The following WDR48 variants were observed in gnomAD, a reference collection of about 807,000 sequenced individuals.
WDR48 encodes the protein WD repeat domain 48, also known as WD repeat-containing protein 48.
WDR48 carries 22 observed loss-of-function variants against 94.0 expected under a neutral mutation model. The ratio of observed to expected loss-of-function variants is 0.23; its 90% CI spans 0.17 to 0.33. The LOEUF (loss-of-function observed/expected upper bound fraction) is 0.33. WDR48 is among the 10% of genes least tolerant of loss of function. WDR48 has a pLI of 1.00. For missense variants in WDR48, 541 were observed against 813.8 expected (o/e 0.66, Z 4.08); for synonymous variants, 278 against 280.5 (o/e 0.99, Z 0.09).
At chr3:39,081,917 T>G (rs143439654) in intron 11 of WDR48, among the ~76,000 whole-genome samples, 94 of 152,338 alleles carry the variant, frequency 6.2e-4, no homozygotes, top group African/African-American at 2.2e-3. Context: ...CCTTGAAGTT[T>G]TGATATCAAA....
chr3:39,074,437 T>C (rs769625908), intron 7 of WDR48, among the ~76,000 whole-genome samples: 1 of 152,226 alleles, frequency 6.6e-6, no homozygotes, highest in Non-Finnish European at 1.5e-5. Context: ...TAACTACTTA[T>C]TTAGGAAAAA....
At chr3:39,094,213 T>A in intron 18 of WDR48, 147 bp downstream of exon 18, 1 of 1,451,194 alleles carries the variant, frequency 6.9e-7, no homozygotes, top group Non-Finnish European at 9.1e-7. Flanking sequence ...CTAAAGCTCC[T>A]CTTTACTGCT....
At chr3:39,089,605 C>G (rs2034981189) in intron 16 of WDR48, 6 of 213,154 alleles carry the variant, frequency 2.8e-5, no homozygotes, top group Non-Finnish European at 4.6e-5. Flanking sequence ...CATTCACTCC[C>G]TATCCTTCCT....
In WDR48 at chr3:39,091,609, A is replaced by G; in HGVS notation, c.1669-16A>G. The stretch of plus-strand genomic sequence containing the variant: ...TAATAGAAACTGTTATACCTTTTTA[A>G]CTTTTACTGTTTCAGAAAAATATGC... On this transcript the variant is annotated splice_polypyrimidine_tract_variant and intron_variant, in intron 16 of 18. Coordinates refer to ENST00000302313, the MANE Select transcript of WDR48 (RefSeq NM_020839.4). 6.3e-7 allele frequency: 1 copy of G among 1,589,676 alleles called. No homozygotes were observed. Among genetic ancestry groups the G allele is most frequent in the Non-Finnish European group, 8.6e-7 (1 of 1,167,450 alleles).
chr3:39,082,055 C>T (rs745526190), intron 11 of WDR48, among the ~76,000 whole-genome samples: 24 of 152,152 alleles, frequency 1.6e-4, no homozygotes, highest in Admixed American at 3.3e-4. Flanking sequence ...AAGTGATCTA[C>T]GGAATATGCT....
chr3:39,085,044 G>A (rs1327065006), intron 13 of WDR48, among the ~76,000 whole-genome samples: 2 of 152,074 alleles, frequency 1.3e-5, no homozygotes, highest in East Asian at 1.9e-4. Flanking sequence ...TGGCTAACAC[G>A]GTGAAACCCC....
chr3:39,092,353 T>C (rs992760461), intron 17 of WDR48, among the ~76,000 whole-genome samples: 5 of 152,140 alleles, frequency 3.3e-5, no homozygotes, highest in African/African-American at 1.2e-4. Flanking sequence ...GGAATTTGAG[T>C]TGGACATGTA....
At chr3:39,078,878 AAATT>A (rs1275357988) in intron 10 of WDR48, among the ~76,000 whole-genome samples, 2 of 151,790 alleles carry the variant, frequency 1.3e-5, no homozygotes, top group Non-Finnish European at 2.9e-5. Flanking sequence ...AAAATACAAA[AAATT>A]AGCTGGGCGT....
rs1326715568 is a variant in WDR48 at position 39,079,758 on chromosome 3, A to T, written c.1123A>T (p.Ile375Leu). ...CCACATTCTTAATGATAAGAGACAT[A>T]TATTAACCAAAGATACCAATAATAA... is the stretch of plus-strand genomic sequence containing the variant. ...QCHILNDKRHILTKDTNNNVA... is the reference protein window; with the variant it reads ...QCHILNDKRHLLTKDTNNNVA... The change falls in exon 11 of 19, where the codon ATA (isoleucine) becomes TTA (leucine). Residue 375 changes from isoleucine to leucine, a missense_variant. By Grantham distance (5) the Ile-to-Leu change is conservative. Around this residue, in one of 5 missense-constraint regions of WDR48, gnomAD observed 238 missense variants for 285.3 expected, o/e 0.83. Coordinates refer to ENST00000302313, the MANE Select transcript of WDR48 (RefSeq NM_020839.4). 2 of 1,557,456 alleles carry T rather than the reference A, an allele frequency of 1.3e-6. No homozygotes were observed. The highest frequency in any genetic ancestry group is 2.5e-5 in the South Asian group (2 of 80,374).
rs766955071 is a variant in WDR48, at chr3:39,066,732, C to A, written c.352-14C>A. Reference sequence around the variant, plus strand: ...ATCTACAGAATAGATCATAGTATGTCTGTTCTATTACAGGATTACGTAAAG... The same window carrying A: ...ATCTACAGAATAGATCATAGTATGTATGTTCTATTACAGGATTACGTAAAG... On this transcript the variant is annotated splice_polypyrimidine_tract_variant and intron_variant, in intron 4 of 18. Transcript: ENST00000302313. 27 of 1,613,712 alleles carry A rather than the reference C, an allele frequency of 1.7e-5. No individual in the cohort carries two copies. Among genetic ancestry groups the A allele is most frequent in the Non-Finnish European group, 2.2e-5 (26 of 1,179,856 alleles).
chr3:39,084,873 T>C (rs1374259067), intron 13 of WDR48, 132 bp downstream of exon 13: 1 of 633,168 alleles, frequency 1.6e-6, no homozygotes, highest in Middle Eastern at 2.6e-4. Context: ...ATGTGGTATG[T>C]ACAAATACCT....
intron 1 of WDR48, among the ~76,000 whole-genome samples, chr3:39,062,558 G>C (rs1180478585): frequency 6.6e-6 from 1 of 152,170 alleles, no homozygotes; most frequent in African/African-American, 2.4e-5. Context: ...AGCCAGACAG[G>C]TCGGAGGAAG....
intron 2 of WDR48, among the ~76,000 whole-genome samples, chr3:39,065,155 G>C (rs1241048603): frequency 5.3e-5 from 8 of 152,156 alleles, no homozygotes; most frequent in African/African-American, 2.4e-5. Context: ...TCTTTAAAAG[G>C]CCTCTCCTGG....
At position 39,070,706 on chromosome 3, in the gene WDR48, T is replaced by A. The variant is rs551362771; in HGVS notation, c.672+962T>A. Among the ~76,000 whole-genome samples the A allele has an allele frequency of 1.1e-4, 16 of 140,390 alleles. 1 individual carries two copies. In the East Asian group the frequency reaches 2.1e-3, roughly 18 times the overall value. 92.1% of individuals were successfully genotyped at this position (140,390 alleles called of 152,430 possible). A position where few individuals can be genotyped will look rare whatever the true frequency, so the allele number is the denominator to read the frequency against. On this transcript the variant is annotated intron_variant, in intron 7 of 18. Coordinates refer to ENST00000302313, the MANE Select transcript of WDR48 (RefSeq NM_020839.4). Reference sequence around the variant, plus strand: ...AAGGATCTTTTTTTTTTTTTTTTTTTAATACTTTAAGTTTTAGGGTACATG... The same window carrying A: ...AAGGATCTTTTTTTTTTTTTTTTTTAAATACTTTAAGTTTTAGGGTACATG...
chr3:39,056,170 C>T (rs2125631789), intron 1 of WDR48, among the ~76,000 whole-genome samples: 1 of 152,250 alleles, frequency 6.6e-6, no homozygotes, highest in African/African-American at 2.4e-5. Flanking sequence ...TTTGTCTAGC[C>T]ATTTCCTTAT....
intron 11 of WDR48, 94 bp from the exon 12 acceptor site, chr3:39,084,061 A>C: frequency 1.2e-6 from 1 of 834,556 alleles, no homozygotes; most frequent in Non-Finnish European, 1.8e-6. Flanking sequence ...TCACTTAGAC[A>C]CATGTGAAAA....
chr3:39,052,435 G>A, intron 1 of WDR48: 1 of 227,604 alleles, frequency 4.4e-6, no homozygotes, highest in Non-Finnish European at 8.8e-6. Context: ...CGCTGCGTCG[G>A]AGCCGAGGCC....
chr3:39,091,760 A>G (rs924901014), intron 17 of WDR48, 59 bp downstream of exon 17: 48 of 1,374,832 alleles, frequency 3.5e-5, no homozygotes, highest in Non-Finnish European at 4.6e-5. Flanking sequence ...CCTTTTCCTT[A>G]TGATTGCTTT....
chr3:39,093,612 A>G (rs1460024432), intron 17 of WDR48, among the ~76,000 whole-genome samples: 3 of 152,240 alleles, frequency 2.0e-5, no homozygotes, highest in Non-Finnish European at 4.4e-5. Flanking sequence ...CTGAGATTAT[A>G]GGCGTGAGCC....
Sources: gnomAD v4.1 joint callset for allele counts (sites outside exome capture counted in the v4.1 genomes callset) on GRCh38, gnomAD v4.1.1 for gene constraint, gnomAD v4.1.1 regional missense constraint, MANE v1.5 for transcripts, NCBI Gene and HGNC (gene_info 2026-07-23, HGNC 2026-07-21) for gene names.